The following CREG2 variants were observed in gnomAD, a reference collection of about 807,000 sequenced individuals.
CREG2 encodes protein CREG2.
Under a neutral mutation model 26.2 loss-of-function variants are expected in CREG2, and 24 were observed. That is an observed-to-expected ratio of 0.92 (90% confidence interval 0.66 to 1.29). CREG2 has a LOEUF of 1.29. Ranked by LOEUF, CREG2 falls within the 50% of genes most tolerant of loss-of-function variation. The pLI, the probability that CREG2 is intolerant of heterozygous loss-of-function variation, is 0.00. For synonymous variants in CREG2, 174 were observed against 169.2 expected (o/e 1.03, Z -0.22); for missense variants, 366 against 398.6 (o/e 0.92, Z 0.70).
intron 1 of CREG2, among the ~76,000 whole-genome samples, chr2:101,384,876 A>C (rs1241045702): frequency 6.6e-6 from 1 of 151,950 alleles, no homozygotes; most frequent in Admixed American, 6.6e-5. Flanking sequence ...TAAATAAATA[A>C]AAATAAAAAG....
chr2:101,387,345 A>C lies in CREG2; in HGVS notation c.113T>G (p.Val38Gly). 7.0e-7 allele frequency: 1 copy of C among 1,425,082 alleles called. No homozygotes were observed. Among genetic ancestry groups the C allele is most frequent in the Non-Finnish European group, 9.3e-7 (1 of 1,073,152 alleles). The allele number at this position is 1,425,082 out of a possible 1,614,324, so 88.3% of individuals were successfully genotyped here. The change falls in exon 1 of 4, where the codon GTG (valine) becomes GGG (glycine). Residue 38 changes from valine to glycine, a missense_variant. Around this residue, in one of 3 missense-constraint regions of CREG2, gnomAD observed 177 missense variants for 183.3 expected, o/e 0.97. Coordinates refer to ENST00000324768, the MANE Select transcript of CREG2 (RefSeq NM_153836.4). The surrounding 1 kb of genome is among the most constrained non-coding windows in gnomAD (Gnocchi z 4.7). ...PAAGYVIVSSVSWAVTNEVDE... is the reference protein window; with the variant it reads ...PAAGYVIVSSGSWAVTNEVDE... ...CACCTCGTTGGTGACGGCCCAAGACACGGAGCTCACGATCACGTAGCCCGC... is the reference window on the plus strand; with the variant it reads ...CACCTCGTTGGTGACGGCCCAAGACCCGGAGCTCACGATCACGTAGCCCGC...
At chr2:101,376,432 C>T (rs1417749343) in intron 2 of CREG2, among the ~76,000 whole-genome samples, 1 of 152,076 alleles carries the variant, frequency 6.6e-6, no homozygotes, top group African/African-American at 2.4e-5. Flanking sequence ...CCCCCACCAC[C>T]AAGCATGGCT....
chr2:101,380,605 CAG>C (rs1684857247), intron 2 of CREG2, among the ~76,000 whole-genome samples: 1 of 152,174 alleles, frequency 6.6e-6, no homozygotes, highest in African/African-American at 2.4e-5. Context: ...CACAGACTAA[CAG>C]AGGAATAGGA....
chr2:101,355,710 T>TG (rs1684447467), intron 2 of CREG2, among the ~76,000 whole-genome samples: 1 of 74,900 alleles, frequency 1.3e-5, no homozygotes, highest in African/African-American at 5.1e-5. Context: ...TGGGGTAGGG[T>TG]GGGGTTCGGG....
At position 101,371,637 on chromosome 2, in the gene CREG2, T is replaced by C. The variant is rs568665281; in HGVS notation, c.611+11896A>G. Among the ~76,000 whole-genome samples the C allele has an allele frequency of 2.6e-5, 4 of 152,288 alleles. No homozygotes were observed. In the East Asian group the frequency reaches 7.7e-4, roughly 29 times the overall value. On this transcript the variant is annotated intron_variant, in intron 2 of 3. Coordinates refer to ENST00000324768, the MANE Select transcript of CREG2 (RefSeq NM_153836.4). ...AAATACTTCTAAGCACAATGGAGTC[T>C]CATCTTATTTTACAGGGGAAGCTTT...
chr2:101,357,382 T>C (rs148024811), intron 2 of CREG2, among the ~76,000 whole-genome samples: 1 of 152,302 alleles, frequency 6.6e-6, no homozygotes, highest in Non-Finnish European at 1.5e-5. Flanking sequence ...TGCCTATTTC[T>C]GGAAGAAGCA....
rs1684691591 is a variant in CREG2, at chr2:101,370,801, T to C, written c.611+12732A>G. 2.0e-5 allele frequency among the ~76,000 whole-genome samples: 3 copies of C among 152,288 alleles called. No individual in the cohort carries two copies. The South Asian group carries it at 6.2e-4, about 32-fold the overall frequency. The stretch of plus-strand genomic sequence containing the variant: ...AGCAGGGTCAGGCTGGCCTCAGACC[T>C]GCTCCCAGGCCCTGAGCTAGCAGCC... On this transcript the variant is annotated intron_variant, in intron 2 of 3. Transcript: ENST00000324768.
intron 2 of CREG2, among the ~76,000 whole-genome samples, chr2:101,371,987 AG>A (rs1684714409): frequency 6.6e-6 from 1 of 151,306 alleles, no homozygotes; most frequent in African/African-American, 2.5e-5. Flanking sequence ...GGGAACACCA[AG>A]GAGGAGCTTA....
intron 1 of CREG2, among the ~76,000 whole-genome samples, chr2:101,384,074 C>A (rs893711673): frequency 6.6e-6 from 1 of 152,108 alleles, no homozygotes; most frequent in Non-Finnish European, 1.5e-5. Context: ...CACAAGCTGC[C>A]TGTTACAGCC....
chr2:101,383,211 C>A (rs184373777), intron 2 of CREG2: 1 of 363,660 alleles, frequency 2.7e-6, no homozygotes, highest in Non-Finnish European at 4.9e-6. Flanking sequence ...TTTTCCATAA[C>A]AACAGGAGCT....
In CREG2 at chr2:101,372,644, A is replaced by G. The variant is rs562676429; in HGVS notation, c.611+10889T>C. On this transcript the variant is annotated intron_variant, in intron 2 of 3. Transcript: ENST00000324768. ...ATTGACAGAGAACATGTGCAACTGG[A>G]ATGTCAATATTGAATCCTCAGCAGT... Among the ~76,000 whole-genome samples the G allele has an allele frequency of 2.0e-5, 3 of 152,322 alleles. No individual in the cohort carries two copies. The South Asian group carries it at 6.2e-4, about 32-fold the overall frequency.
Position 101,383,529 on chromosome 2 carries a change from C to A in CREG2, c.611+4G>T. ...CGTGTGAGTGAGGGCAAACCGTCGT[C>A]TACCTGCAGAACTCCCCTTCTGATT... On this transcript the variant is annotated splice_donor_region_variant and intron_variant, in intron 2 of 3. Transcript: ENST00000324768. 2 of 1,613,610 alleles carry A rather than the reference C, an allele frequency of 1.2e-6. No homozygotes were observed. The highest frequency in any genetic ancestry group is 2.2e-5 in the East Asian group (1 of 44,876).
chr2:101,376,880 TC>T (rs756163817), intron 2 of CREG2, among the ~76,000 whole-genome samples: 74 of 152,248 alleles, frequency 4.9e-4, no homozygotes, highest in Admixed American at 1.0e-3. Flanking sequence ...TTAGAAAACT[TC>T]CCTCTCGTCA....
At chr2:101,355,421 C>A in intron 2 of CREG2, 55 bp from the exon 3 acceptor site, 1 of 1,098,676 alleles carries the variant, frequency 9.1e-7, no homozygotes, top group Admixed American at 1.8e-5. Context: ...CATCAGCCAG[C>A]AATTCTAACG....
chr2:101,384,331 A>G (rs1205212110), intron 1 of CREG2, among the ~76,000 whole-genome samples: 1 of 152,248 alleles, frequency 6.6e-6, no homozygotes, highest in Non-Finnish European at 1.5e-5. Context: ...AAAGGAAGTC[A>G]TAGAAACATG....
chr2:101,381,253 C>T lies in CREG2; in HGVS notation c.611+2280G>A, dbSNP rs527913121. ...CTCTACCCAGGTGTTTGGGTAGCTGCGGACACTTCTACCAGATACCTCGCT... is the reference window on the plus strand; with the variant it reads ...CTCTACCCAGGTGTTTGGGTAGCTGTGGACACTTCTACCAGATACCTCGCT... On this transcript the variant is annotated intron_variant, in intron 2 of 3. Coordinates refer to ENST00000324768, the MANE Select transcript of CREG2 (RefSeq NM_153836.4). Among the ~76,000 whole-genome samples the T allele has an allele frequency of 2.6e-5, 4 of 152,288 alleles. No individual in the cohort carries two copies. In the South Asian group the frequency reaches 6.2e-4, roughly 24 times the overall value.
intron 3 of CREG2, 79 bp downstream of exon 3, chr2:101,355,174 G>T: frequency 1.1e-6 from 1 of 887,184 alleles, no homozygotes; most frequent in Non-Finnish European, 1.9e-6. Flanking sequence ...TGCATCAGAG[G>T]CATCTAATGG....
At chr2:101,359,526 A>G (rs993318701) in intron 2 of CREG2, among the ~76,000 whole-genome samples, 8 of 152,110 alleles carry the variant, frequency 5.3e-5, no homozygotes, top group African/African-American at 1.7e-4. Context: ...TTTTCTATCT[A>G]TTGGGAGACT....
At chr2:101,354,862 A>G (rs1684432358) in intron 3 of CREG2, among the ~76,000 whole-genome samples, 1 of 152,102 alleles carries the variant, frequency 6.6e-6, no homozygotes, top group Non-Finnish European at 1.5e-5. Flanking sequence ...TCAGCAGCCT[A>G]CTGATGTAAG....
Sources: gnomAD v4.1 joint callset for allele counts (sites outside exome capture counted in the v4.1 genomes callset) on GRCh38, gnomAD v4.1.1 for gene constraint, gnomAD v4.1.1 regional missense constraint, Gnocchi (gnomAD v3.1) non-coding constraint, MANE v1.5 for transcripts, NCBI Gene and HGNC (gene_info 2026-07-23, HGNC 2026-07-21) for gene names.